PPP1R12A: variants seen among roughly 807,000 people sequenced by gnomAD.
The protein encoded by PPP1R12A is myosin binding subunit.
Under a neutral mutation model 139.6 loss-of-function variants are expected in PPP1R12A, and 19 were observed. The ratio of observed to expected loss-of-function variants is 0.14; its 90% CI spans 0.09 to 0.20. The LOEUF is 0.20. PPP1R12A is among the 10% of genes least tolerant of loss of function. The pLI is 1.00. For synonymous variants in PPP1R12A, 427 were observed against 420.6 expected, an observed-to-expected ratio of 1.02 and a Z score of -0.19; for missense variants, 925 against 1,211.5, an observed-to-expected ratio of 0.76 and a Z score of 3.51.
intron 5 of PPP1R12A, chr12:79,828,057 C>T (rs981093837): frequency 2.2e-5 from 5 of 232,114 alleles, no homozygotes; most frequent in Non-Finnish European, 4.1e-5. Context: ...TCCAAATCTA[C>T]TCTACATGTA....
At chr12:79,885,350 A>G (rs1565797124) in intron 1 of PPP1R12A, among the ~76,000 whole-genome samples, 1 of 152,116 alleles carries the variant, frequency 6.6e-6, no homozygotes, top group East Asian at 1.9e-4. Flanking sequence ...GTTAAACACT[A>G]TTGTTTATAT....
chr12:79,900,269 C>A (rs897378898), intron 1 of PPP1R12A, among the ~76,000 whole-genome samples: 6 of 152,126 alleles, frequency 3.9e-5, no homozygotes, highest in African/African-American at 1.4e-4. Context: ...TACAAAACAT[C>A]CTTATAACAA....
chr12:79,805,698 T>C lies in PPP1R12A; in HGVS notation c.1894A>G (p.Ile632Val), dbSNP rs189805248. 511 of 1,613,604 alleles carry C rather than the reference T, an allele frequency of 3.2e-4. 1 individual carries two copies. The African/African-American group carries it at 5.9e-3, about 19-fold the overall frequency. ...EKDSVPTAVT[I>V]PVAPTVVNAA... Reference sequence around the variant, plus strand: ...TTTACAACAGTTGGAGCAACAGGAATGGTCACTGCCGTAGGAACACTGTCC... The same window carrying C: ...TTTACAACAGTTGGAGCAACAGGAACGGTCACTGCCGTAGGAACACTGTCC... Residue 632 changes from isoleucine (I) to valine (V), a missense_variant, in exon 14 of 25, where the codon ATT becomes GTT. Ile to Val is a conservative substitution (Grantham distance 29, BLOSUM62 3). This residue lies in a region of PPP1R12A where 403 missense variants were observed against 463.7 expected (regional missense o/e 0.87). Coordinates refer to ENST00000450142, the MANE Select transcript of PPP1R12A (RefSeq NM_002480.3).
At chr12:79,906,601 T>G (rs577701645) in intron 1 of PPP1R12A, among the ~76,000 whole-genome samples, 9,227 of 151,894 alleles carry the variant, frequency 0.061, 634 homozygotes, top group African/African-American at 0.17. Context: ...ATTTATTCAT[T>G]TATGTATGTA....
At chr12:79,916,620 G>A (rs1179466149) in intron 1 of PPP1R12A, among the ~76,000 whole-genome samples, 1 of 151,988 alleles carries the variant, frequency 6.6e-6, no homozygotes, top group Non-Finnish European at 1.5e-5. Context: ...CTTGCAAAAA[G>A]CTACAAAATA....
intron 9 of PPP1R12A, among the ~76,000 whole-genome samples, chr12:79,813,215 T>C (rs749218947): frequency 2.6e-5 from 4 of 152,190 alleles, no homozygotes; most frequent in Non-Finnish European, 4.4e-5. Context: ...AATGGAACAA[T>C]TCATTTTTCC....
chr12:79,851,701 T>C lies in PPP1R12A; in HGVS notation c.369-6281A>G, dbSNP rs537217469. On this transcript the variant is annotated intron_variant, in intron 2 of 24. Transcript: ENST00000450142. ...CAAATTTGGGAAAAGTTTTCAGTGA[T>C]CATTTCTTTTAATACTTTTCCAGCC... is the stretch of plus-strand genomic sequence containing the variant. 1.7e-3 allele frequency among the ~76,000 whole-genome samples: 266 copies of C among 152,344 alleles called. 1 individual carries two copies. The highest frequency in any genetic ancestry group is 3.3e-3 in the Non-Finnish European group (222 of 68,032).
At chr12:79,838,775 G>A (rs1878375483) in intron 3 of PPP1R12A, among the ~76,000 whole-genome samples, 1 of 152,218 alleles carries the variant, frequency 6.6e-6, no homozygotes, top group Non-Finnish European at 1.5e-5. Context: ...TTCAGAGGGT[G>A]TATGGAAAGG....
chr12:79,826,917 T>C (rs1173147238), intron 5 of PPP1R12A, among the ~76,000 whole-genome samples: 1 of 152,176 alleles, frequency 6.6e-6, no homozygotes, highest in Non-Finnish European at 1.5e-5. Flanking sequence ...ACTGCCCATA[T>C]GAATGGACAT....
At chr12:79,793,100 T>C (rs1222809570) in intron 19 of PPP1R12A, among the ~76,000 whole-genome samples, 1 of 152,186 alleles carries the variant, frequency 6.6e-6, no homozygotes, top group African/African-American at 2.4e-5. Flanking sequence ...ATAATATTAA[T>C]ATGACCAGAA....
At chr12:79,782,495 C>T in intron 22 of PPP1R12A, 1 of 434,730 alleles carries the variant, frequency 2.3e-6, no homozygotes, top group Non-Finnish European at 4.5e-6. Context: ...ACTATCTGAC[C>T]AGCTCAAAGC....
At chr12:79,869,536 C>A (rs192855512) in intron 2 of PPP1R12A, among the ~76,000 whole-genome samples, 2 of 152,180 alleles carry the variant, frequency 1.3e-5, no homozygotes, top group Non-Finnish European at 2.9e-5. Flanking sequence ...GACCCTTATA[C>A]AAACTGCATC....
intron 2 of PPP1R12A, among the ~76,000 whole-genome samples, chr12:79,858,276 T>C (rs1237155032): frequency 6.6e-6 from 1 of 152,306 alleles, no homozygotes; most frequent in East Asian, 1.9e-4. Context: ...CTTTGTTAAA[T>C]AATCTGGGAA....
intron 1 of PPP1R12A, among the ~76,000 whole-genome samples, chr12:79,874,041 C>G (rs943874250): frequency 6.6e-6 from 1 of 151,990 alleles, no homozygotes; most frequent in African/African-American, 2.4e-5. Context: ...TTTGGGAGGC[C>G]GAGGCGGGCA....
chr12:79,793,373 T>C (rs1243969833), intron 19 of PPP1R12A, among the ~76,000 whole-genome samples: 4 of 152,160 alleles, frequency 2.6e-5, no homozygotes, highest in African/African-American at 7.2e-5. Flanking sequence ...TTTCTAAATA[T>C]ATGTAAAAGA....
intron 1 of PPP1R12A, among the ~76,000 whole-genome samples, chr12:79,888,799 T>C (rs1286904890): frequency 6.6e-6 from 1 of 152,168 alleles, no homozygotes; most frequent in Non-Finnish European, 1.5e-5. Context: ...AATTCAGGAT[T>C]TTAACCCAGC....
At chr12:79,868,890 T>C (rs901435500) in intron 2 of PPP1R12A, among the ~76,000 whole-genome samples, 3 of 152,184 alleles carry the variant, frequency 2.0e-5, no homozygotes, top group African/African-American at 4.8e-5. Flanking sequence ...CTGATATATA[T>C]AGTAAGTGCT....
intron 4 of PPP1R12A, among the ~76,000 whole-genome samples, chr12:79,830,114 A>G (rs1352601503): frequency 6.6e-6 from 1 of 152,094 alleles, no homozygotes; most frequent in Non-Finnish European, 1.5e-5. Context: ...AAAAAAAAAA[A>G]GAATGAAAGG....
chr12:79,840,545 C>G (rs1325444395), intron 3 of PPP1R12A, among the ~76,000 whole-genome samples: 1 of 152,188 alleles, frequency 6.6e-6, no homozygotes, highest in Non-Finnish European at 1.5e-5. Context: ...TGTCTTATCT[C>G]ACACTTTCCT....
Sources: gnomAD v4.1 joint callset for allele counts (sites outside exome capture counted in the v4.1 genomes callset) on GRCh38, gnomAD v4.1.1 for gene constraint, gnomAD v4.1.1 regional missense constraint, MANE v1.5 for transcripts, NCBI Gene and HGNC (gene_info 2026-07-23, HGNC 2026-07-21) for gene names.